Variants in GRHL2 observed in about 807,000 individuals in gnomAD.
GRHL2 encodes the protein grainyhead like transcription factor 2.
Under a neutral mutation model 83.8 loss-of-function variants are expected in GRHL2, and 21 were observed. That is an observed-to-expected ratio of 0.25 (90% CI 0.18 to 0.36). The LOEUF (loss-of-function observed/expected upper bound fraction) is 0.36. Ranked by LOEUF, GRHL2 falls within the 10% of genes least tolerant of loss-of-function variation. The pLI, the probability that GRHL2 is intolerant of heterozygous loss-of-function variation, is 1.00. For missense variants in GRHL2, 623 were observed against 781.8 expected (o/e 0.80, Z 2.42); for synonymous variants, 280 against 278.9 (o/e 1.00, Z -0.04).
intron 1 of GRHL2, among the ~76,000 whole-genome samples, chr8:101,541,960 A>T (rs1811162903): frequency 6.6e-6 from 1 of 152,164 alleles, no homozygotes; most frequent in South Asian, 2.1e-4. Flanking sequence ...TAGTTTTTAT[A>T]TCACCTAAAT....
chr8:101,616,833 G>A (rs1586147290), intron 8 of GRHL2, among the ~76,000 whole-genome samples: 1 of 152,164 alleles, frequency 6.6e-6, no homozygotes, highest in African/African-American at 2.4e-5. Context: ...TTGTGGGCTT[G>A]TGTGGATGTT....
Position 101,666,638 on chromosome 8 carries a change from G to T in GRHL2, c.1813G>T (p.Asp605Tyr). The T allele has an allele frequency of 6.2e-7, 1 of 1,613,730 alleles. No individual in the cohort carries two copies. Among genetic ancestry groups the T allele is most frequent in the Non-Finnish European group, 8.5e-7 (1 of 1,179,676 alleles). Residue 605 changes from aspartate (D) to tyrosine (Y), a missense_variant, in exon 16 of 16, where the codon GAC becomes TAC. By Grantham distance (160) the Asp-to-Tyr change is radical (BLOSUM62 -3). This residue lies in a region of GRHL2 where 210 missense variants were observed against 254.8 expected (regional missense o/e 0.82). Transcript: ENST00000646743. ...CATCATCGAGCACTACTCGAACGAGGACACCTTCATCCTCAACATGGAGAG... is the reference window on the plus strand; with the variant it reads ...CATCATCGAGCACTACTCGAACGAGTACACCTTCATCCTCAACATGGAGAG... ...DNIIEHYSNE[D>Y]TFILNMESMV...
chr8:101,492,612 C>G lies in GRHL2; in HGVS notation c.-158C>G. 1.3e-6 allele frequency: 1 copy of G among 744,172 alleles called. No homozygotes were observed. Among genetic ancestry groups the G allele is most frequent in the South Asian group, 1.5e-5 (1 of 68,262 alleles). 46.1% of individuals were successfully genotyped at this position (744,172 alleles called of 1,614,324 possible). On this transcript the variant is annotated 5_prime_UTR_variant, in exon 1 of 16. Coordinates refer to ENST00000646743, the MANE Select transcript of GRHL2 (RefSeq NM_024915.4). Reference sequence around the variant, plus strand: ...GTGAGGGCGCGAGCGGGCGAGCGAGCGAGAGTGGTGAGGGGGGACGGAAAA... The same window carrying G: ...GTGAGGGCGCGAGCGGGCGAGCGAGGGAGAGTGGTGAGGGGGGACGGAAAA...
chr8:101,663,418 C>T (rs958035242), intron 14 of GRHL2, among the ~76,000 whole-genome samples: 1 of 151,928 alleles, frequency 6.6e-6, no homozygotes, highest in Non-Finnish European at 1.5e-5. Flanking sequence ...TCGAGACCAG[C>T]CTGGCCAACA....
chr8:101,527,010 C>T (rs1281471254), intron 1 of GRHL2, among the ~76,000 whole-genome samples: 2 of 152,146 alleles, frequency 1.3e-5, no homozygotes, highest in Admixed American at 6.5e-5. Flanking sequence ...TTTAATGCCG[C>T]TGTCTTTATT....
chr8:101,542,060 A>G (rs1811164952), intron 1 of GRHL2, among the ~76,000 whole-genome samples: 1 of 152,196 alleles, frequency 6.6e-6, no homozygotes, highest in Non-Finnish European at 1.5e-5. Flanking sequence ...TTACCTGAAT[A>G]CACTGTGTTT....
intron 12 of GRHL2, among the ~76,000 whole-genome samples, chr8:101,642,022 TTTTTATTGTGGTTGGTTGAAG>T (rs1563621473): frequency 6.6e-6 from 1 of 152,196 alleles, no homozygotes; most frequent in Non-Finnish European, 1.5e-5. Context: ...TTTCTGAATT[TTTTTATTGTGGTTGGTTGAAG>T]CTATGGTTGT....
At chr8:101,679,474 G>A in the GRHL2 span, among the ~76,000 whole-genome samples, 1 of 150,088 alleles carries the variant, frequency 6.7e-6, no homozygotes, top group African/African-American at 2.5e-5. Context: ...GTGATGGGGA[G>A]AATGGAACCA....
intron 10 of GRHL2, 134 bp downstream of exon 10, chr8:101,631,858 T>C (rs1014637608): frequency 3.9e-6 from 3 of 762,068 alleles, no homozygotes; most frequent in African/African-American, 3.4e-5. Context: ...CCCCTGGCAG[T>C]GGAGACAGGG....
rs1813808887 is a variant in GRHL2, at chr8:101,657,092, G to A, written c.1699-7362G>A. ...AACTGTGTCATTCATGTGTGGAGGC[G>A]ATTCATGGATCATACCTGGTTCTCC... On this transcript the variant is annotated intron_variant, in intron 14 of 15. Transcript: ENST00000646743. Among the ~76,000 whole-genome samples the A allele has an allele frequency of 5.9e-5, 9 of 152,290 alleles. No individual in the cohort carries two copies. The South Asian group carries it at 1.5e-3, about 25-fold the overall frequency.
chr8:101,672,882 G>T (rs1216785986), downstream of GRHL2, among the ~76,000 whole-genome samples: 32 of 151,840 alleles, frequency 2.1e-4, no homozygotes, highest in Non-Finnish European at 3.1e-4. Flanking sequence ...AGCCAGAAGA[G>T]AGTGGGGGCC....
intron 3 of GRHL2, among the ~76,000 whole-genome samples, chr8:101,554,475 C>A (rs1811451582): frequency 6.6e-6 from 1 of 152,102 alleles, no homozygotes; most frequent in Non-Finnish European, 1.5e-5. Context: ...AAAGCAACAG[C>A]TGCTCATTGT....
intron 15 of GRHL2, among the ~76,000 whole-genome samples, chr8:101,664,843 G>A (rs1467309545): frequency 1.3e-5 from 2 of 152,066 alleles, no homozygotes; most frequent in African/African-American, 4.8e-5. Flanking sequence ...GAGTTTATAG[G>A]GAATCACGTA....
chr8:101,652,419 G>A (rs1434781584), intron 14 of GRHL2, among the ~76,000 whole-genome samples: 3 of 90,942 alleles, frequency 3.3e-5, no homozygotes, highest in South Asian at 3.8e-4. Flanking sequence ...TGTGGTGTGT[G>A]TGTGTGGTGT....
intron 7 of GRHL2, among the ~76,000 whole-genome samples, chr8:101,598,649 A>C (rs1436592781): frequency 6.8e-6 from 1 of 147,984 alleles, no homozygotes; most frequent in Non-Finnish European, 1.5e-5. Flanking sequence ...GATAAACAGA[A>C]TATTCTGTTC....
chr8:101,558,744 C>A lies in GRHL2; in HGVS notation c.610C>A (p.Leu204Ile). Reference protein sequence around the residue: ...VPSLATHSAYLKDDQRSTPDS... With the variant: ...VPSLATHSAYIKDDQRSTPDS... The stretch of plus-strand genomic sequence containing the variant: ...CTCGCTGGCCACCCACAGCGCCTAT[C>A]TCAAAGACGACCAGCGCAGCACTCC... Residue 204 changes from leucine (L) to isoleucine (I), a missense_variant, in exon 4 of 16, where the codon CTC (leucine) becomes ATC (isoleucine). This residue lies in a region of GRHL2 where 239 missense variants were observed against 240.5 expected (regional missense o/e 0.99). Transcript: ENST00000646743. 1 of 1,614,200 alleles carries A rather than the reference C, an allele frequency of 6.2e-7. No individual in the cohort carries two copies. The highest frequency in any genetic ancestry group is 8.5e-7 in the Non-Finnish European group (1 of 1,180,034).
chr8:101,639,695 G>A (rs1813358487), intron 12 of GRHL2, among the ~76,000 whole-genome samples: 1 of 152,206 alleles, frequency 6.6e-6, no homozygotes, highest in African/African-American at 2.4e-5. Context: ...ATTCCTTGGA[G>A]TGTAGGACCT....
chr8:101,658,222 C>T (rs1264230336), intron 14 of GRHL2, among the ~76,000 whole-genome samples: 1 of 152,198 alleles, frequency 6.6e-6, no homozygotes, highest in African/African-American at 2.4e-5. Flanking sequence ...CCAGTTGCTT[C>T]TTTGTACAGT....
At chr8:101,623,302 G>A (rs1441253137) in intron 9 of GRHL2, among the ~76,000 whole-genome samples, 1 of 152,232 alleles carries the variant, frequency 6.6e-6, no homozygotes, top group Admixed American at 6.5e-5. Context: ...CCATGACACT[G>A]GTAGGACAGT....
Sources: allele counts gnomAD v4.1 joint callset (sites outside exome capture counted in the v4.1 genomes callset), GRCh38; gene constraint gnomAD v4.1.1; regional missense constraint gnomAD v4.1.1; transcripts MANE v1.5; gene names NCBI Gene and HGNC (gene_info 2026-07-23, HGNC 2026-07-21).